Variants in NTM observed in about 807,000 individuals in gnomAD.
NTM encodes the protein neurotrimin.
A neutral mutation model predicts 42.1 loss-of-function variants in NTM; 13 were observed. The ratio of observed to expected loss-of-function variants is 0.31; its 90% confidence interval spans 0.20 to 0.49. The LOEUF is 0.49. Among genes scored for constraint, NTM ranks in the 20% least tolerant of loss-of-function variants. The pLI is 0.99. For missense variants in NTM, 373 were observed against 452.8 expected (o/e 0.82, Z 1.60); for synonymous variants, 187 against 179.2 (o/e 1.04, Z -0.35).
chr11:131,525,110 G>T (rs990415582), intron 1 of NTM, among the ~76,000 whole-genome samples: 9 of 152,106 alleles, frequency 5.9e-5, no homozygotes, highest in African/African-American at 2.2e-4. Flanking sequence ...AGACCTCTAC[G>T]CTTAATCTTG....
At chr11:131,379,039 A>G (rs1942318660) in intron 1 of NTM, among the ~76,000 whole-genome samples, 1 of 152,204 alleles carries the variant, frequency 6.6e-6, no homozygotes, top group Non-Finnish European at 1.5e-5. Flanking sequence ...GAGGCACATT[A>G]GAACAGGGCT....
chr11:131,766,989 A>C, intron 1 of NTM: 1 of 186,426 alleles, frequency 5.4e-6, no homozygotes, highest in Non-Finnish European at 1.0e-5. Context: ...GCTTTGTCTT[A>C]GCGCCTATTT....
chr11:131,703,617 A>C (rs939547559), intron 1 of NTM, among the ~76,000 whole-genome samples: 14 of 152,206 alleles, frequency 9.2e-5, no homozygotes, highest in Admixed American at 5.2e-4. Context: ...CAATGCACAC[A>C]CAAAAACACT....
chr11:132,071,039 C>A (rs1460544335), intron 2 of NTM, among the ~76,000 whole-genome samples: 2 of 140,378 alleles, frequency 1.4e-5, no homozygotes, highest in African/African-American at 5.2e-5. Flanking sequence ...CGTCACTCAG[C>A]CAAGTTAACA....
intron 4 of NTM, among the ~76,000 whole-genome samples, chr11:132,218,366 G>T (rs1333107280): frequency 6.6e-6 from 1 of 152,190 alleles, no homozygotes; most frequent in African/African-American, 2.4e-5. Flanking sequence ...TGGTTGGGTT[G>T]CCCTGTCAGT....
chr11:132,175,012 A>T (rs1237363942), intron 3 of NTM, among the ~76,000 whole-genome samples: 1 of 151,908 alleles, frequency 6.6e-6, no homozygotes, highest in East Asian at 1.9e-4. Flanking sequence ...CAGGACCTTC[A>T]CTTTCCCCCT....
chr11:131,877,195 G>T (rs1288422884), intron 1 of NTM, among the ~76,000 whole-genome samples: 2 of 152,284 alleles, frequency 1.3e-5, no homozygotes, highest in Admixed American at 6.5e-5. Context: ...CACTTGCTGT[G>T]CTGGGATTGT....
intron 2 of NTM, among the ~76,000 whole-genome samples, chr11:132,026,672 G>A (rs2075225499): frequency 6.6e-6 from 1 of 152,186 alleles, no homozygotes; most frequent in Admixed American, 6.5e-5. Flanking sequence ...TGCAGCAATT[G>A]GTGTTGAGAA....
intron 1 of NTM, among the ~76,000 whole-genome samples, chr11:131,657,150 C>CAAAA (rs55842346): frequency 4.3e-4 from 63 of 147,832 alleles, no homozygotes; most frequent in South Asian, 6.5e-4. Flanking sequence ...AAGACCAGCC[C>CAAAA]AAAAAAAAAA....
chr11:131,756,312 G>A (rs568951868), intron 1 of NTM, among the ~76,000 whole-genome samples: 34 of 152,290 alleles, frequency 2.2e-4, no homozygotes, highest in African/African-American at 5.8e-4. Flanking sequence ...CAGGCGGGGC[G>A]TGGTGACACA....
At chr11:131,949,909 C>T (rs1026249033) in intron 2 of NTM, among the ~76,000 whole-genome samples, 1 of 81,802 alleles carries the variant, frequency 1.2e-5, no homozygotes, top group African/African-American at 4.1e-5. Context: ...ACACTTTTCT[C>T]TTCTGACACT....
At chr11:131,557,460 A>G (rs1339983044) in intron 1 of NTM, among the ~76,000 whole-genome samples, 1 of 152,196 alleles carries the variant, frequency 6.6e-6, no homozygotes, top group Non-Finnish European at 1.5e-5. Flanking sequence ...TCCTTTCCTC[A>G]TCATGACTGA....
At chr11:131,388,596 T>C (rs1420630320) in intron 1 of NTM, among the ~76,000 whole-genome samples, 1 of 152,110 alleles carries the variant, frequency 6.6e-6, no homozygotes, top group African/African-American at 2.4e-5. Flanking sequence ...TTTATTTACA[T>C]TTTAATAGGA....
intron 1 of NTM, among the ~76,000 whole-genome samples, chr11:131,458,053 T>C (rs1055970418): frequency 5.3e-5 from 8 of 152,186 alleles, no homozygotes. Flanking sequence ...GGGTATGCAA[T>C]GCATGCATTT....
intron 1 of NTM, among the ~76,000 whole-genome samples, chr11:131,899,009 A>T (rs975723671): frequency 6.6e-6 from 1 of 152,200 alleles, no homozygotes; most frequent in African/African-American, 2.4e-5. Flanking sequence ...ACGCTCTAAA[A>T]TGTAGGCTGA....
intron 1 of NTM, chr11:131,503,029 G>A (rs117269360): frequency 0.017 from 2,562 of 152,548 alleles, 29 homozygotes; most frequent in Middle Eastern, 0.058. Context: ...TTCTCAGGGA[G>A]GTTTATGGGT....
intron 7 of NTM, among the ~76,000 whole-genome samples, chr11:132,327,193 A>T (rs2095701150): frequency 6.6e-6 from 1 of 152,164 alleles, no homozygotes. Context: ...AGTAAACTGT[A>T]CTCAGGCCAC....
intron 1 of NTM, among the ~76,000 whole-genome samples, chr11:131,555,796 C>T (rs575719758): frequency 3.9e-5 from 6 of 152,208 alleles, no homozygotes; most frequent in Admixed American, 6.5e-5. Flanking sequence ...GGCACAGAAC[C>T]GCTTCTCTGA....
At chr11:132,327,673 C>T (rs1291094566) in intron 7 of NTM, among the ~76,000 whole-genome samples, 1 of 152,104 alleles carries the variant, frequency 6.6e-6, no homozygotes, top group Non-Finnish European at 1.5e-5. Context: ...GCTTTGCTGG[C>T]AAAAATATAA....
Sources: gnomAD v4.1 joint callset for allele counts (sites outside exome capture counted in the v4.1 genomes callset) on GRCh38, gnomAD v4.1.1 for gene constraint, MANE v1.5 for transcripts, NCBI Gene and HGNC (gene_info 2026-07-23, HGNC 2026-07-21) for gene names.